EPB41L2: variants seen among roughly 807,000 people sequenced by gnomAD.
EPB41L2 encodes band 4.1-like protein 2.
In EPB41L2, 43 loss-of-function variants were observed where a neutral mutation model predicts 113.0. The observed-to-expected ratio is 0.38, with a 90% CI of 0.30 to 0.49. EPB41L2 has a LOEUF of 0.49. EPB41L2 is among the 20% of genes least tolerant of loss of function. The probability of loss-of-function intolerance (pLI) is 0.95; values close to 1 mark genes in which losing one functional copy is unlikely to be tolerated. For synonymous variants in EPB41L2, 442 were observed against 436.7 expected (o/e 1.01, Z -0.15); for missense variants, 1,147 against 1,223.4 (o/e 0.94, Z 0.93).
chr6:131,007,504 A>G (rs1247115945), intron 1 of EPB41L2, among the ~76,000 whole-genome samples: 1 of 152,192 alleles, frequency 6.6e-6, no homozygotes, highest in Non-Finnish European at 1.5e-5. Context: ...GAAAATGTGG[A>G]AGGAACTTTG....
At chr6:130,974,384 C>A (rs776161481) in intron 1 of EPB41L2, among the ~76,000 whole-genome samples, 1 of 151,912 alleles carries the variant, frequency 6.6e-6, no homozygotes, top group Non-Finnish European at 1.5e-5. Context: ...TATGGCAGCA[C>A]GAGCTAAGAT....
intron 1 of EPB41L2, among the ~76,000 whole-genome samples, chr6:130,959,503 G>A (rs1027288671): frequency 1.3e-5 from 2 of 152,154 alleles, no homozygotes; most frequent in African/African-American, 2.4e-5. Flanking sequence ...GGGAGATCAG[G>A]AGACAGTAAT....
intron 4 of EPB41L2, among the ~76,000 whole-genome samples, chr6:130,910,758 C>G (rs756077498): frequency 6.6e-6 from 1 of 152,112 alleles, no homozygotes; most frequent in Non-Finnish European, 1.5e-5. Flanking sequence ...ATGTGGCCAA[C>G]AAACATATGA....
Position 130,981,709 on chromosome 6 carries a change from A to G in EPB41L2, c.-14-25210T>C, listed in dbSNP as rs77831973. Among the ~76,000 whole-genome samples the G allele has an allele frequency of 2.3e-4, 35 of 152,230 alleles. No homozygotes were observed. In the East Asian group the frequency reaches 6.6e-3, roughly 29 times the overall value. The stretch of plus-strand genomic sequence containing the variant: ...GTCTATAAAAGCCAGAAGCAGAGCT[A>G]TTTTTCCCTACAAACTGTTTAGTGG... On this transcript the variant is annotated intron_variant, in intron 1 of 19. Coordinates refer to ENST00000337057, the MANE Select transcript of EPB41L2 (RefSeq NM_001431.4).
chr6:130,885,115 A>C lies in EPB41L2; in HGVS notation c.1814T>G (p.Leu605Trp). Residue 605 changes from leucine to tryptophan, a missense_variant, in exon 12 of 20, where the codon TTG becomes TGG. Coordinates refer to ENST00000337057, the MANE Select transcript of EPB41L2 (RefSeq NM_001431.4). ...EVRSPTKAPH[L>W]QLIEGKKNSL... ...CCATACCTTTCCTTCAATGAGCTGC[A>C]AATGTGGGGCTTTAGTTGGGCTTCT... 6.2e-7 allele frequency: 1 copy of C among 1,614,140 alleles called. No individual in the cohort carries two copies. The highest frequency in any genetic ancestry group is 8.5e-7 in the Non-Finnish European group (1 of 1,179,992).
In EPB41L2 at chr6:130,865,566, C is replaced by A. The variant is rs1405300466; in HGVS notation, c.2799G>T (p.Val933=). The A allele has an allele frequency of 6.2e-7, 1 of 1,614,050 alleles. No individual in the cohort carries two copies. The highest frequency in any genetic ancestry group is 8.5e-7 in the Non-Finnish European group (1 of 1,180,040). The change falls in exon 17 of 20, where the codon GTG becomes GTT. Residue 933 remains valine (V), a synonymous_variant. Transcript: ENST00000337057. The stretch of plus-strand genomic sequence containing the variant: ...TGATGTGTGTGGTTGTCGTTGTTGA[C>A]ACGGACTCAGATGTGATGGTTTGTG... ...LTAQTITSES[V]STTTTTHITK...
Position 130,869,881 on chromosome 6 carries a change from G to A in EPB41L2, c.2289C>T (p.Thr763=), listed in dbSNP as rs765397502. 1.9e-5 allele frequency: 30 copies of A among 1,612,644 alleles called. No homozygotes were observed. Among genetic ancestry groups the A allele is most frequent in the East Asian group, 1.1e-4 (5 of 44,860 alleles). Residue 763 remains threonine, a synonymous_variant, in exon 15 of 20, where the codon ACC becomes ACT. Transcript: ENST00000337057. The part of the protein sequence containing the change: ...VGEYRPHHRV[T]EGTIREEQEY... ...CCTGTTCCTCCCTGATGGTGCCCTCGGTCACTCGGTGGTGGGGACGGTACT... is the reference window on the plus strand; with the variant it reads ...CCTGTTCCTCCCTGATGGTGCCCTCAGTCACTCGGTGGTGGGGACGGTACT...
At chr6:131,016,892 T>C (rs1788366801) in intron 1 of EPB41L2, among the ~76,000 whole-genome samples, 1 of 152,156 alleles carries the variant, frequency 6.6e-6, no homozygotes, top group Admixed American at 6.5e-5. Flanking sequence ...TTATTTACTT[T>C]AAGAGACTCA....
chr6:131,009,933 C>T (rs1008293915), intron 1 of EPB41L2, among the ~76,000 whole-genome samples: 2 of 152,176 alleles, frequency 1.3e-5, no homozygotes, highest in Non-Finnish European at 2.9e-5. Context: ...ATTTGTTCAA[C>T]CATGCAAACA....
rs529408210 is a variant in EPB41L2 at position 131,059,194 on chromosome 6, A to T, written c.-15+3961T>A. Among the ~76,000 whole-genome samples, 3 of 146,822 alleles carry T rather than the reference A, an allele frequency of 2.0e-5. No individual in the cohort carries two copies. The South Asian group carries it at 6.4e-4, about 31-fold the overall frequency. The stretch of plus-strand genomic sequence containing the variant: ...CAGTGGCGCAATCTCCGCTCACAGC[A>T]AGCTCTGCCTCCCGGGTTCACGCCA... On this transcript the variant is annotated intron_variant, in intron 1 of 19. Transcript: ENST00000337057.
chr6:130,846,620 A>T (rs1407626529), intron 19 of EPB41L2, among the ~76,000 whole-genome samples: 1 of 152,170 alleles, frequency 6.6e-6, no homozygotes, highest in Non-Finnish European at 1.5e-5. Flanking sequence ...GTTTGCTGGA[A>T]CATGTTCATG....
rs545519761 is a variant in EPB41L2 at position 130,991,188 on chromosome 6, A to C, written c.-14-34689T>G. ...CCAGTAGTTCTGAACTTAAAATGTC[A>C]ATTTTGCGTCTGTCATACTCCTTTT... is the stretch of plus-strand genomic sequence containing the variant. On this transcript the variant is annotated intron_variant, in intron 1 of 19. Coordinates refer to ENST00000337057, the MANE Select transcript of EPB41L2 (RefSeq NM_001431.4). Among the ~76,000 whole-genome samples, 97 of 152,178 alleles carry C rather than the reference A, an allele frequency of 6.4e-4. No individual in the cohort carries two copies. In the South Asian group the frequency reaches 0.02, roughly 31 times the overall value.
At chr6:130,971,039 TGCACTGCCACGCCCA>T (rs1161907292) in intron 1 of EPB41L2, among the ~76,000 whole-genome samples, 1 of 152,126 alleles carries the variant, frequency 6.6e-6, no homozygotes, top group Non-Finnish European at 1.5e-5. Context: ...ACCACAGGCA[TGCACTGCCACGCCCA>T]GCTGATTTTT....
At chr6:131,013,342 A>G (rs999939581) in intron 1 of EPB41L2, among the ~76,000 whole-genome samples, 1 of 152,144 alleles carries the variant, frequency 6.6e-6, no homozygotes, top group South Asian at 2.1e-4. Context: ...ATGGATTACC[A>G]ACCAAGCACA....
chr6:131,004,065 T>C (rs901222831), intron 1 of EPB41L2, among the ~76,000 whole-genome samples: 1 of 152,276 alleles, frequency 6.6e-6, no homozygotes, highest in Non-Finnish European at 1.5e-5. Flanking sequence ...GGCCAAACTT[T>C]ACAGCTCTAA....
At chr6:131,062,834 C>G (rs1164998050) in intron 1 of EPB41L2, among the ~76,000 whole-genome samples, 1 of 151,922 alleles carries the variant, frequency 6.6e-6, no homozygotes, top group Non-Finnish European at 1.5e-5. Context: ...CGGCCCCGGT[C>G]CCCCGGAAGA....
intron 19 of EPB41L2, among the ~76,000 whole-genome samples, chr6:130,857,076 T>C (rs1780467393): frequency 6.6e-6 from 1 of 152,226 alleles, no homozygotes; most frequent in Non-Finnish European, 1.5e-5. Flanking sequence ...ATAAGTAGTT[T>C]AATGGTAGAC....
At chr6:131,024,759 A>G (rs1033249396) in intron 1 of EPB41L2, among the ~76,000 whole-genome samples, 8 of 152,180 alleles carry the variant, frequency 5.3e-5, no homozygotes, top group African/African-American at 1.9e-4. Flanking sequence ...CCCTGTCCCA[A>G]CTAACCTTAG....
At chr6:130,885,492 G>C (rs962715096) in intron 11 of EPB41L2, among the ~76,000 whole-genome samples, 1 of 152,104 alleles carries the variant, frequency 6.6e-6, no homozygotes, top group Non-Finnish European at 1.5e-5. Flanking sequence ...GCTACACCAG[G>C]GTCTCAAACC....
Sources: allele counts gnomAD v4.1 joint callset (sites outside exome capture counted in the v4.1 genomes callset), GRCh38; gene constraint gnomAD v4.1.1; transcripts MANE v1.5; gene names NCBI Gene and HGNC (gene_info 2026-07-23, HGNC 2026-07-21).